Variants in SLC35F3 observed in about 807,000 individuals in gnomAD.
SLC35F3 encodes the protein solute carrier family 35 member F3.
In SLC35F3, 25 loss-of-function variants were observed where a neutral mutation model predicts 49.9. The observed-to-expected ratio is 0.50, with a 90% CI of 0.37 to 0.70. The LOEUF is 0.70. SLC35F3 is among the 30% of genes least tolerant of loss of function. The pLI, the probability that SLC35F3 is intolerant of heterozygous loss-of-function variation, is 0.00. For synonymous variants in SLC35F3, 275 were observed against 265.4 expected, an observed-to-expected ratio of 1.04 and a Z score of -0.35; for missense variants, 525 against 639.8, an observed-to-expected ratio of 0.82 and a Z score of 1.94.
intron 3 of SLC35F3, among the ~76,000 whole-genome samples, chr1:234,264,351 A>C (rs1391291992): frequency 6.6e-6 from 1 of 152,138 alleles, no homozygotes; most frequent in Non-Finnish European, 1.5e-5. Context: ...AGCTCTAAGA[A>C]TTTAAAAAGT....
intron 2 of SLC35F3, among the ~76,000 whole-genome samples, chr1:233,915,197 T>C (rs917995601): frequency 6.6e-6 from 1 of 152,224 alleles, no homozygotes; most frequent in African/African-American, 2.4e-5. Flanking sequence ...TCAGGATCTA[T>C]CAGGAAACTA....
chr1:234,312,546 G>A (rs953889162), intron 4 of SLC35F3, among the ~76,000 whole-genome samples: 1 of 152,188 alleles, frequency 6.6e-6, no homozygotes, highest in Non-Finnish European at 1.5e-5. Context: ...CCTGAGCCCA[G>A]CATGGGGGAA....
chr1:234,061,994 G>A (rs1348288635), intron 2 of SLC35F3, among the ~76,000 whole-genome samples: 3 of 151,930 alleles, frequency 2.0e-5, no homozygotes, highest in Non-Finnish European at 4.4e-5. Context: ...CTATTTTTTG[G>A]AGGTATGGGT....
At chr1:233,923,397 C>T (rs557981064) in intron 2 of SLC35F3, among the ~76,000 whole-genome samples, 15 of 152,240 alleles carry the variant, frequency 9.9e-5, no homozygotes, top group Admixed American at 3.3e-4. Flanking sequence ...GTATTTTATT[C>T]TCTTTGAAGC....
chr1:233,910,788 G>A lies in SLC35F3; in HGVS notation c.283+5030G>A, dbSNP rs571298762. On this transcript the variant is annotated intron_variant, in intron 2 of 7. Coordinates refer to ENST00000366618, the MANE Select transcript of SLC35F3 (RefSeq NM_173508.4). ...AGTAGGTTTATACACTTTGTTGAAC[G>A]TCAACTATTATTCACTACAGGTTCT... Among the ~76,000 whole-genome samples the A allele has an allele frequency of 9.9e-5, 15 of 152,252 alleles. 1 individual carries two copies. The highest frequency in any genetic ancestry group is 2.9e-4 in the African/African-American group (12 of 41,540).
intron 2 of SLC35F3, among the ~76,000 whole-genome samples, chr1:234,190,541 C>T (rs1666714999): frequency 6.6e-6 from 1 of 152,186 alleles, no homozygotes; most frequent in Non-Finnish European, 1.5e-5. Context: ...TATACATGCA[C>T]CTAATGCTGG....
chr1:234,198,831 C>A (rs1666853973), intron 2 of SLC35F3, among the ~76,000 whole-genome samples: 1 of 151,984 alleles, frequency 6.6e-6, no homozygotes, highest in Admixed American at 6.6e-5. Flanking sequence ...GGTCACCATT[C>A]CCTGAATAGC....
chr1:234,151,514 A>C (rs1309663352), intron 2 of SLC35F3, among the ~76,000 whole-genome samples: 1 of 151,982 alleles, frequency 6.6e-6, no homozygotes, highest in Non-Finnish European at 1.5e-5. Context: ...AAAATGGTAG[A>C]AAATTATATA....
intron 2 of SLC35F3, among the ~76,000 whole-genome samples, chr1:233,984,203 A>G (rs1663230549): frequency 6.6e-6 from 1 of 152,200 alleles, no homozygotes; most frequent in South Asian, 2.1e-4. Context: ...GCTCACCACA[A>G]TATGAATATT....
chr1:234,155,915 T>G (rs528749664), intron 2 of SLC35F3, among the ~76,000 whole-genome samples: 138 of 152,162 alleles, frequency 9.1e-4, no homozygotes, highest in Non-Finnish European at 1.5e-3. Context: ...TTTCTAAACA[T>G]GATACCAAAT....
At chr1:233,908,532 G>A (rs900763161) in intron 2 of SLC35F3, among the ~76,000 whole-genome samples, 2 of 143,360 alleles carry the variant, frequency 1.4e-5, no homozygotes, top group Non-Finnish European at 3.0e-5. Flanking sequence ...TTTTGTAAAG[G>A]ATTCTTTTTT....
intron 2 of SLC35F3, among the ~76,000 whole-genome samples, chr1:234,044,674 A>G (rs2102854697): frequency 6.6e-6 from 1 of 152,228 alleles, no homozygotes; most frequent in South Asian, 2.1e-4. Context: ...TTCAATTTGC[A>G]TTTCCTAGAT....
intron 1 of SLC35F3, 116 bp downstream of exon 1, chr1:233,905,246 C>A: frequency 1.8e-6 from 2 of 1,116,160 alleles, no homozygotes; most frequent in Non-Finnish European, 2.6e-6. Flanking sequence ...GGGCGGCGCG[C>A]GCGGTGGAGC....
At chr1:234,318,402 A>G (rs187489063) in intron 5 of SLC35F3, among the ~76,000 whole-genome samples, 2 of 152,326 alleles carry the variant, frequency 1.3e-5, no homozygotes, top group East Asian at 3.9e-4. Flanking sequence ...CTGCTTATAC[A>G]GGGTCCAGGA....
chr1:234,230,663 T>A (rs1206032408), intron 2 of SLC35F3, among the ~76,000 whole-genome samples: 1 of 152,164 alleles, frequency 6.6e-6, no homozygotes, highest in African/African-American at 2.4e-5. Flanking sequence ...GAGCCAAGCT[T>A]TGGGCTGCAG....
chr1:234,122,788 G>A (rs761657327), intron 2 of SLC35F3, among the ~76,000 whole-genome samples: 1 of 152,160 alleles, frequency 6.6e-6, no homozygotes, highest in Non-Finnish European at 1.5e-5. Context: ...TCCCTGCAAA[G>A]GACATGATCT....
intron 3 of SLC35F3, among the ~76,000 whole-genome samples, chr1:234,242,424 G>T (rs925613527): frequency 6.6e-6 from 1 of 152,198 alleles, no homozygotes. Context: ...AGCTGTGAGT[G>T]GGTTCACTGT....
intron 3 of SLC35F3, among the ~76,000 whole-genome samples, chr1:234,277,196 C>T (rs1298156929): frequency 6.6e-6 from 1 of 152,236 alleles, no homozygotes; most frequent in African/African-American, 2.4e-5. Context: ...TACCAGGGCT[C>T]TGTGTGGCCG....
At chr1:234,302,217 C>T (rs2102990773) in intron 3 of SLC35F3, among the ~76,000 whole-genome samples, 1 of 151,960 alleles carries the variant, frequency 6.6e-6, no homozygotes, top group South Asian at 2.1e-4. Context: ...CCAAAGAAGG[C>T]CTACAGAGGA....
Sources: allele counts gnomAD v4.1 joint callset (sites outside exome capture counted in the v4.1 genomes callset), GRCh38; gene constraint gnomAD v4.1.1; transcripts MANE v1.5; gene names NCBI Gene and HGNC (gene_info 2026-07-23, HGNC 2026-07-21).